PEAK1: variants seen among roughly 807,000 people sequenced by gnomAD.
The protein encoded by PEAK1 is inactive tyrosine-protein kinase PEAK1.
PEAK1 carries 54 observed loss-of-function variants against 124.7 expected under a neutral mutation model. The ratio of observed to expected loss-of-function variants is 0.43; its 90% CI spans 0.35 to 0.54. PEAK1 has a LOEUF of 0.54. PEAK1 is among the 20% of genes least tolerant of loss of function. PEAK1 has a pLI of 0.01. For synonymous variants in PEAK1, 719 were observed against 760.0 expected (o/e 0.95, Z 0.89); for missense variants, 2,046 against 2,134.5 (o/e 0.96, Z 0.82).
At chr15:77,231,694 A>G (rs1347359720) in intron 6 of PEAK1, among the ~76,000 whole-genome samples, 1 of 152,188 alleles carries the variant, frequency 6.6e-6, no homozygotes, top group African/African-American at 2.4e-5. Context: ...AATAAATGAC[A>G]GGTTAAATAT....
chr15:77,334,700 G>T, intron 2 of PEAK1: 7 of 985,182 alleles, frequency 7.1e-6, no homozygotes, highest in South Asian at 9.4e-5. Flanking sequence ...AACAATGTGT[G>T]TGCTACATCT....
At chr15:77,183,019 G>C (rs570437932) in intron 6 of PEAK1, among the ~76,000 whole-genome samples, 17 of 152,176 alleles carry the variant, frequency 1.1e-4, no homozygotes, top group Admixed American at 3.9e-4. Flanking sequence ...ATAGATGAAG[G>C]GGGGAAGAAG....
chr15:77,373,596 C>T (rs2068796455), intron 1 of PEAK1, among the ~76,000 whole-genome samples: 1 of 152,186 alleles, frequency 6.6e-6, no homozygotes, highest in Non-Finnish European at 1.5e-5. Context: ...GTCTCCCCAC[C>T]ACCACTACAA....
intron 6 of PEAK1, among the ~76,000 whole-genome samples, chr15:77,205,274 T>TAAA (rs2058581482): frequency 2.0e-5 from 3 of 148,108 alleles, no homozygotes; most frequent in Non-Finnish European, 3.0e-5. Context: ...ATGCCTTTTT[T>TAAA]TAAAAAAAAA....
chr15:77,180,871 T>C lies in PEAK1; in HGVS notation c.1056A>G (p.Ser352=), dbSNP rs943470241. The C allele has an allele frequency of 2.5e-6, 4 of 1,613,944 alleles. No individual in the cohort carries two copies. The African/African-American group carries it at 5.3e-5, about 22-fold the overall frequency. Residue 352 remains serine, a synonymous_variant, in exon 7 of 10, where the codon TCA becomes TCG. Transcript: ENST00000682557. ...TSPDSSLTEE[S]RSETASSLSQ... is the part of the protein sequence containing the mutation. Reference sequence around the variant, plus strand: ...ATAAACTACTGGCTGTCTCAGAACGTGATTCTTCTGTTAAAGAAGAATCTG... The same window carrying C: ...ATAAACTACTGGCTGTCTCAGAACGCGATTCTTCTGTTAAAGAAGAATCTG...
At position 77,370,888 on chromosome 15, in the gene PEAK1, C is replaced by T. The variant is rs536784763; in HGVS notation, c.-665-5663G>A. The T allele has an allele frequency of 2.0e-5, 9 of 446,818 alleles. No homozygotes were observed. The East Asian group carries it at 6.3e-4, about 31-fold the overall frequency. 27.7% of individuals were successfully genotyped at this position (446,818 alleles called of 1,614,324 possible). A position where few individuals can be genotyped will look rare whatever the true frequency, so the allele number is the denominator to read the frequency against. ...CTACTAAAATACAAAAAATTAATCA[C>T]GTGTGGTGGCCCACGCCTGTAGTCC... On this transcript the variant is annotated intron_variant, in intron 1 of 9. Transcript: ENST00000682557.
intron 5 of PEAK1, among the ~76,000 whole-genome samples, chr15:77,262,059 T>G (rs2061469365): frequency 6.6e-6 from 1 of 152,118 alleles, no homozygotes; most frequent in South Asian, 2.1e-4. Flanking sequence ...AAGCAAATGC[T>G]GAGAGATTTT....
chr15:77,118,963 G>A (rs1319631378), intron 9 of PEAK1, among the ~76,000 whole-genome samples: 1 of 83,366 alleles, frequency 1.2e-5, no homozygotes, highest in African/African-American at 3.3e-5. Flanking sequence ...GAGAGCCTGA[G>A]CCACAGTGAC....
At chr15:77,138,020 G>A (rs1296932355) in intron 8 of PEAK1, among the ~76,000 whole-genome samples, 1 of 152,160 alleles carries the variant, frequency 6.6e-6, no homozygotes, top group Non-Finnish European at 1.5e-5. Flanking sequence ...CTCTGCATAA[G>A]CTCTCTCTTT....
At chr15:77,117,639 T>C (rs1445761316) in intron 9 of PEAK1, among the ~76,000 whole-genome samples, 1 of 152,186 alleles carries the variant, frequency 6.6e-6, no homozygotes, top group African/African-American at 2.4e-5. Context: ...AAAAAGAAAC[T>C]GCTAACATTC....
rs141195382 is a variant in PEAK1, at chr15:77,250,257, AT to A, written c.-115+2109del. Among the ~76,000 whole-genome samples the A allele has an allele frequency of 2.3e-3, 284 of 126,208 alleles. 1 individual carries two copies. The highest frequency in any genetic ancestry group is 4.1e-3 in the African/African-American group (135 of 33,258). The allele number at this position is 126,208 out of a possible 152,430, so 82.8% of individuals were successfully genotyped here. ...TGTATATGTATATATATATATATAT[AT>A]TTTTTTTTGACAGAGTTTCACTCCG... On this transcript the variant is annotated intron_variant, in intron 6 of 9. Coordinates refer to ENST00000682557, the MANE Select transcript of PEAK1 (RefSeq NM_001385026.1).
rs147158185 is a variant in PEAK1 at position 77,180,971 on chromosome 15, C to A, written c.956G>T (p.Gly319Val). The A allele has an allele frequency of 5.6e-6, 9 of 1,614,182 alleles. No individual in the cohort carries two copies. Among genetic ancestry groups the A allele is most frequent in the Non-Finnish European group, 6.8e-6 (8 of 1,180,020 alleles). The change falls in exon 7 of 10, where the codon GGT becomes GTT. Residue 319 changes from glycine to valine, a missense_variant. Transcript: ENST00000682557. Reference protein sequence around the residue: ...YDDSYDEILNGYEENSVVSYG... With the variant: ...YDDSYDEILNVYEENSVVSYG... ...AGAGACCACAGAATTTTCCTCATAA[C>A]CATTCAGGATTTCATCATAGCTGTC...
At chr15:77,168,326 A>T (rs1011237640) in intron 7 of PEAK1, among the ~76,000 whole-genome samples, 8 of 152,016 alleles carry the variant, frequency 5.3e-5, no homozygotes, top group African/African-American at 9.7e-5. Context: ...ATTTGGCTGG[A>T]ATGGCTGTAT....
At chr15:77,290,227 C>A (rs1032552376) in intron 2 of PEAK1, among the ~76,000 whole-genome samples, 1 of 152,178 alleles carries the variant, frequency 6.6e-6, no homozygotes, top group African/African-American at 2.4e-5. Context: ...CGGGTTCAAG[C>A]GATTCTCCTA....
At chr15:77,353,399 A>G (rs2067320984) in intron 2 of PEAK1, among the ~76,000 whole-genome samples, 1 of 152,240 alleles carries the variant, frequency 6.6e-6, no homozygotes, top group Non-Finnish European at 1.5e-5. Context: ...GGATGCTGAC[A>G]TAACAAAAAC....
At chr15:77,337,932 G>A in intron 2 of PEAK1, 1 of 984,224 alleles carries the variant, frequency 1.0e-6, no homozygotes, top group Non-Finnish European at 1.2e-6. Context: ...ATTTGGGGGT[G>A]CTGATAGAAA....
In PEAK1 at chr15:77,124,636, G is replaced by C. The variant is rs76326076; in HGVS notation, c.4077+8369C>G. Reference sequence around the variant, plus strand: ...TCATTTTACCTGGACTACTGCAATAGCATAATGACTGGCTTCCTTGCTTCC... The same window carrying C: ...TCATTTTACCTGGACTACTGCAATACCATAATGACTGGCTTCCTTGCTTCC... On this transcript the variant is annotated intron_variant, in intron 9 of 9. Coordinates refer to ENST00000682557, the MANE Select transcript of PEAK1 (RefSeq NM_001385026.1). 7.9e-3 allele frequency among the ~76,000 whole-genome samples: 1,197 copies of C among 152,254 alleles called. 15 individuals are homozygous for C. The highest frequency in any genetic ancestry group is 0.027 in the African/African-American group (1,142 of 41,546).
At chr15:77,325,905 A>C (rs561589336) in intron 2 of PEAK1, among the ~76,000 whole-genome samples, 3 of 152,160 alleles carry the variant, frequency 2.0e-5, no homozygotes, top group Admixed American at 6.6e-5. Context: ...AGAATGGACT[A>C]AGATTTTAAA....
At chr15:77,389,218 G>GTAA (rs1225909319) in intron 1 of PEAK1, among the ~76,000 whole-genome samples, 6 of 152,160 alleles carry the variant, frequency 3.9e-5, no homozygotes, top group Non-Finnish European at 7.3e-5. Flanking sequence ...GTCTCCCAAA[G>GTAA]TGTTGGGATT....
Sources: allele counts gnomAD v4.1 joint callset (sites outside exome capture counted in the v4.1 genomes callset), GRCh38; gene constraint gnomAD v4.1.1; transcripts MANE v1.5; gene names NCBI Gene and HGNC (gene_info 2026-07-23, HGNC 2026-07-21).